The following UST variants were observed in gnomAD, a reference collection of about 807,000 sequenced individuals.
UST encodes chondroitin sulfate 2-O-sulfotransferase.
In UST, 21 loss-of-function variants were observed where a neutral mutation model predicts 45.6. The observed-to-expected ratio is 0.46, with a 90% CI of 0.33 to 0.66. UST has a LOEUF of 0.66. Ranked by LOEUF, UST falls within the 30% of genes least tolerant of loss-of-function variation. The pLI is 0.02. For synonymous variants in UST, 215 were observed against 200.6 expected (o/e 1.07, Z -0.61); for missense variants, 463 against 512.4 (o/e 0.90, Z 0.93).
chr6:148,835,163 A>C (rs1362381018), intron 1 of UST, among the ~76,000 whole-genome samples: 1 of 152,042 alleles, frequency 6.6e-6, no homozygotes, highest in East Asian at 1.9e-4. Flanking sequence ...TATAACAATA[A>C]AAATAATACA....
chr6:149,038,986 T>G (rs1776274107), intron 7 of UST, among the ~76,000 whole-genome samples: 1 of 152,208 alleles, frequency 6.6e-6, no homozygotes. Context: ...TACAATATTT[T>G]TATGTATTTG....
chr6:148,893,570 G>C (rs1779059346), intron 2 of UST, among the ~76,000 whole-genome samples: 1 of 152,218 alleles, frequency 6.6e-6, no homozygotes, highest in South Asian at 2.1e-4. Context: ...TTAAGTCTAA[G>C]TGACATGCAT....
chr6:148,774,834 C>T lies in UST; in HGVS notation c.247+27157C>T, dbSNP rs138001985. Among the ~76,000 whole-genome samples the T allele has an allele frequency of 6.4e-4, 98 of 152,306 alleles. 1 individual carries two copies. The highest frequency in any genetic ancestry group is 2.3e-3 in the African/African-American group (95 of 41,560). On this transcript the variant is annotated intron_variant, in intron 1 of 7. Coordinates refer to ENST00000367463, the MANE Select transcript of UST (RefSeq NM_005715.3). Reference sequence around the variant, plus strand: ...AGGAGTTCGAAACCAGCCTGACCAACATGGTGAAACCCCGTCTTTACTAAA... The same window carrying T: ...AGGAGTTCGAAACCAGCCTGACCAATATGGTGAAACCCCGTCTTTACTAAA...
rs928964058 is a variant in UST at position 148,747,739 on chromosome 6, G to A, written c.247+62G>A. The A allele has an allele frequency of 6.8e-6, 10 of 1,480,184 alleles. No homozygotes were observed. In the African/African-American group the frequency reaches 1.3e-4, roughly 19 times the overall value. 91.7% of individuals were successfully genotyped at this position (1,480,184 alleles called of 1,614,324 possible). ...AGCGCAAAGTTGTGCGGCGGGGAGA[G>A]GGTCGCGGCGGGGACTTCTCGCGCT... On this transcript the variant is annotated intron_variant, in intron 1 of 7. Coordinates refer to ENST00000367463, the MANE Select transcript of UST (RefSeq NM_005715.3).
intron 1 of UST, among the ~76,000 whole-genome samples, chr6:148,844,777 T>A (rs1777953035): frequency 6.6e-6 from 1 of 152,182 alleles, no homozygotes; most frequent in South Asian, 2.1e-4. Flanking sequence ...CAACCCACGC[T>A]CCTGTCATTT....
chr6:148,775,923 C>T (rs949904794), intron 1 of UST, among the ~76,000 whole-genome samples: 10 of 152,204 alleles, frequency 6.6e-5, no homozygotes, highest in Non-Finnish European at 1.2e-4. Flanking sequence ...TGAGCCACTG[C>T]GCCCGGCCTG....
chr6:148,914,633 T>A (rs995190090), intron 2 of UST, among the ~76,000 whole-genome samples: 2 of 152,114 alleles, frequency 1.3e-5, no homozygotes, highest in African/African-American at 4.8e-5. Context: ...CACGCTCCTA[T>A]GAGAATATAA....
chr6:148,877,763 G>T, intron 1 of UST, among the ~76,000 whole-genome samples: 1 of 141,546 alleles, frequency 7.1e-6, no homozygotes, highest in East Asian at 2.2e-4. Flanking sequence ...TGAGTGTGAG[G>T]GGTCATGAAT....
At chr6:148,922,133 A>T (rs1779719719) in intron 2 of UST, among the ~76,000 whole-genome samples, 1 of 152,242 alleles carries the variant, frequency 6.6e-6, no homozygotes, top group South Asian at 2.1e-4. Context: ...TTTAAAGTGT[A>T]CAATTCAGTG....
chr6:148,769,750 T>TTGTGTGTGTGTGTGTGTG (rs57316536), intron 1 of UST, among the ~76,000 whole-genome samples: 188 of 148,224 alleles, frequency 1.3e-3, no homozygotes, highest in African/African-American at 4.5e-3. Context: ...GAGCCTGTGT[T>TTGTGTGTGTGTGTGTGTG]TGTGTGTGTG....
intron 1 of UST, among the ~76,000 whole-genome samples, chr6:148,855,553 A>T (rs1219098195): frequency 6.6e-6 from 1 of 152,254 alleles, no homozygotes; most frequent in Non-Finnish European, 1.5e-5. Flanking sequence ...GCTGAAAGCC[A>T]GATAACTAAG....
At chr6:148,913,221 C>T (rs1243691182) in intron 2 of UST, among the ~76,000 whole-genome samples, 1 of 152,116 alleles carries the variant, frequency 6.6e-6, no homozygotes, top group African/African-American at 2.4e-5. Context: ...AAATCCCGTC[C>T]CTGGCCAGGA....
intron 5 of UST, among the ~76,000 whole-genome samples, chr6:148,980,755 G>C (rs190624348): frequency 6.6e-6 from 1 of 152,090 alleles, no homozygotes; most frequent in East Asian, 1.9e-4. Context: ...ATCTTCCTCT[G>C]TTGCCTAGGT....
Position 148,865,664 on chromosome 6 carries a change from T to TTGTGTG in UST, c.248-21277_248-21272dup, listed in dbSNP as rs56252604. ...TTGACCCATTCTTTCCTTGCTGAAA[T>TTGTGTG]TGTGTGTGTGTGTGTGTGTGTGTGT... On this transcript the variant is annotated intron_variant, in intron 1 of 7. Transcript: ENST00000367463. 2.1e-3 allele frequency among the ~76,000 whole-genome samples: 251 copies of TTGTGTG among 117,900 alleles called. 1 individual carries two copies. Among genetic ancestry groups the TTGTGTG allele is most frequent in the African/African-American group, 5.0e-3 (166 of 32,988 alleles). 77.3% of individuals were successfully genotyped at this position (117,900 alleles called of 152,430 possible).
In UST at chr6:148,996,471, G is replaced by A. The variant is rs112371183; in HGVS notation, c.682-22668G>A. Among the ~76,000 whole-genome samples, 754 of 152,218 alleles carry A rather than the reference G, an allele frequency of 5.0e-3. 5 individuals carry two copies. Among genetic ancestry groups the A allele is most frequent in the African/African-American group, 0.017 (721 of 41,534 alleles). On this transcript the variant is annotated intron_variant, in intron 5 of 7. Transcript: ENST00000367463. Reference sequence around the variant, plus strand: ...TGACCTCAGGTGATCTGCCTGCCCCGGCTTCCCAAAGTGCTGGGATTACAG... The same window carrying A: ...TGACCTCAGGTGATCTGCCTGCCCCAGCTTCCCAAAGTGCTGGGATTACAG...
intron 5 of UST, among the ~76,000 whole-genome samples, chr6:148,980,008 C>G (rs1249348121): frequency 6.6e-6 from 1 of 152,152 alleles, no homozygotes; most frequent in Non-Finnish European, 1.5e-5. Flanking sequence ...TCTGGCCCAT[C>G]CCAAATGGGC....
chr6:148,979,768 TA>T (rs770329784), intron 5 of UST, among the ~76,000 whole-genome samples: 4 of 152,244 alleles, frequency 2.6e-5, no homozygotes, highest in African/African-American at 9.6e-5. Flanking sequence ...CAGCGACTCT[TA>T]TTTTTCTTTT....
intron 2 of UST, among the ~76,000 whole-genome samples, chr6:148,908,143 G>A (rs1779403628): frequency 6.6e-6 from 1 of 151,850 alleles, no homozygotes; most frequent in African/African-American, 2.4e-5. Flanking sequence ...TCCTGACCAG[G>A]GTCTCATTTT....
Position 148,974,751 on chromosome 6 carries a change from G to T in UST, c.681+10188G>T, listed in dbSNP as rs77623373. 3.1e-3 allele frequency among the ~76,000 whole-genome samples: 475 copies of T among 152,298 alleles called. 1 individual carries two copies. Among genetic ancestry groups the T allele is most frequent in the African/African-American group, 0.011 (455 of 41,570 alleles). On this transcript the variant is annotated intron_variant, in intron 5 of 7. Transcript: ENST00000367463. ...TGCAAGAAGCCCCAGCCGCCTAATGGGTAAGGCATTGGCTCCTAAAAAATG... is the reference window on the plus strand; with the variant it reads ...TGCAAGAAGCCCCAGCCGCCTAATGTGTAAGGCATTGGCTCCTAAAAAATG...
Sources: allele counts gnomAD v4.1 joint callset (sites outside exome capture counted in the v4.1 genomes callset), GRCh38; gene constraint gnomAD v4.1.1; transcripts MANE v1.5; gene names NCBI Gene and HGNC (gene_info 2026-07-23, HGNC 2026-07-21).